ADD2: variants seen among roughly 807,000 people sequenced by gnomAD.
ADD2 encodes the protein beta-adducin.
Under a neutral mutation model 83.0 loss-of-function variants are expected in ADD2, and 23 were observed. That is an observed-to-expected ratio of 0.28 (90% CI 0.20 to 0.39). The LOEUF is 0.39. Among genes scored for constraint, ADD2 ranks in the 10% least tolerant of loss-of-function variants. The probability of loss-of-function intolerance (pLI) is 1.00; values close to 1 mark genes in which losing one functional copy is unlikely to be tolerated. For missense variants in ADD2, 758 were observed against 944.9 expected (o/e 0.80, Z 2.59); for synonymous variants, 375 against 375.4 (o/e 1.00, Z 0.01).
chr2:70,697,516 T>A, intron 4 of ADD2, among the ~76,000 whole-genome samples: 1 of 152,226 alleles, frequency 6.6e-6, no homozygotes, highest in South Asian at 2.1e-4. Context: ...AATCAGCATC[T>A]AGGAACTAAT....
At chr2:70,677,095 T>C (rs1399848121) in intron 12 of ADD2, among the ~76,000 whole-genome samples, 1 of 152,124 alleles carries the variant, frequency 6.6e-6, no homozygotes, top group Non-Finnish European at 1.5e-5. Context: ...CACCAGATTT[T>C]CATGAAACCA....
chr2:70,717,961 A>G (rs1301398326), intron 1 of ADD2, among the ~76,000 whole-genome samples: 2 of 152,316 alleles, frequency 1.3e-5, no homozygotes, highest in Non-Finnish European at 2.9e-5. Flanking sequence ...AAAGAGAGAA[A>G]GAGGCAGGAC....
chr2:70,735,052 T>C (rs1673458947), intron 1 of ADD2, among the ~76,000 whole-genome samples: 1 of 152,192 alleles, frequency 6.6e-6, no homozygotes, highest in African/African-American at 2.4e-5. Context: ...TGTTAAACTG[T>C]TATCTCGAAA....
chr2:70,756,041 A>G (rs1674762958), intron 1 of ADD2, among the ~76,000 whole-genome samples: 1 of 151,162 alleles, frequency 6.6e-6, no homozygotes, highest in African/African-American at 2.4e-5. Flanking sequence ...CCTGGGCAAC[A>G]AAAGTGAAAC....
At chr2:70,691,101 G>A (rs576591221) in intron 7 of ADD2, among the ~76,000 whole-genome samples, 172 bp from the exon 8 acceptor site, 1 of 152,300 alleles carries the variant, frequency 6.6e-6, no homozygotes, top group South Asian at 2.1e-4. Flanking sequence ...CCTGGCTTGG[G>A]CGTTGTGTCA....
intron 1 of ADD2, among the ~76,000 whole-genome samples, chr2:70,751,113 G>A (rs1553382874): frequency 6.6e-6 from 1 of 152,114 alleles, no homozygotes; most frequent in African/African-American, 2.4e-5. Context: ...GCCTCACCTT[G>A]GATCAGTGCC....
chr2:70,708,040 G>A (rs574434504), intron 2 of ADD2, among the ~76,000 whole-genome samples: 1 of 152,196 alleles, frequency 6.6e-6, no homozygotes, highest in Non-Finnish European at 1.5e-5. Flanking sequence ...GCATATTCTT[G>A]TTGTCCCTGA....
chr2:70,767,494 C>T (rs1299410376), intron 1 of ADD2: 7 of 386,338 alleles, frequency 1.8e-5, no homozygotes, highest in Non-Finnish European at 2.5e-5. Flanking sequence ...GGCGGCCGAG[C>T]GGGAAGGAAA....
In ADD2 at chr2:70,676,128, G is replaced by A; in HGVS notation, c.1593+668C>T. 14 of 985,444 alleles carry A rather than the reference G, an allele frequency of 1.4e-5. No individual in the cohort carries two copies. Among genetic ancestry groups the A allele is most frequent in the Non-Finnish European group, 1.7e-5 (14 of 829,954 alleles). The allele number at this position is 985,444 out of a possible 1,614,324, so 61.0% of individuals were successfully genotyped here. On this transcript the variant is annotated intron_variant, in intron 13 of 15. Transcript: ENST00000264436. The surrounding 1 kb of genome is among the most constrained non-coding windows in gnomAD (Gnocchi z 4.8). ...TATTTCCCCAATTTTTACTGCTAAG[G>A]AAAATGTCATGCCCATTGCTACCTT...
chr2:70,728,326 G>A (rs1176389710), intron 1 of ADD2, among the ~76,000 whole-genome samples: 3 of 152,150 alleles, frequency 2.0e-5, no homozygotes, highest in Non-Finnish European at 4.4e-5. Context: ...TGACAGAGTC[G>A]GGAAGGCCCT....
chr2:70,704,346 G>T lies in ADD2; in HGVS notation c.297C>A (p.His99Gln), dbSNP rs1430169904. ...QIADFMASTS[H>Q]AVFPTSSMNV... ...TCATGGAAGATGTCGGGAAGACTGCGTGGGAGGTGCTGGCCATGAAGTCCG... is the reference window on the plus strand; with the variant it reads ...TCATGGAAGATGTCGGGAAGACTGCTTGGGAGGTGCTGGCCATGAAGTCCG... The change falls in exon 4 of 16, where the codon CAC becomes CAA. Residue 99 changes from histidine (H) to glutamine (Q), a missense_variant. His to Gln is a conservative substitution (Grantham distance 24). Around this residue, in one of 5 missense-constraint regions of ADD2, gnomAD observed 175 missense variants for 192.1 expected, o/e 0.91. Transcript: ENST00000264436. The T allele has an allele frequency of 6.2e-7, 1 of 1,605,424 alleles. No individual in the cohort carries two copies. Among genetic ancestry groups the T allele is most frequent in the Non-Finnish European group, 8.5e-7 (1 of 1,175,450 alleles).
At position 70,676,398 on chromosome 2, in the gene ADD2, C is replaced by G. The variant is rs1670138834; in HGVS notation, c.1593+398G>C. 2.6e-6 allele frequency: 3 copies of G among 1,147,614 alleles called. No individual in the cohort carries two copies. Among genetic ancestry groups the G allele is most frequent in the South Asian group, 7.4e-5 (2 of 27,130 alleles). 71.1% of individuals were successfully genotyped at this position (1,147,614 alleles called of 1,614,324 possible). On this transcript the variant is annotated intron_variant, in intron 13 of 15. Transcript: ENST00000264436. The surrounding 1 kb of genome is among the most constrained non-coding windows in gnomAD (Gnocchi z 4.8). The stretch of plus-strand genomic sequence containing the variant: ...AGAGCTCTGGTTGGATGATGTCATA[C>G]CAGGCTCAGAGGTCAGAGACTCTCA...
intron 1 of ADD2, among the ~76,000 whole-genome samples, chr2:70,719,998 T>A (rs1190536446): frequency 6.6e-6 from 1 of 150,560 alleles, no homozygotes; most frequent in Non-Finnish European, 1.5e-5. Context: ...GTATGTATCC[T>A]TTTTTGTCTA....
intron 2 of ADD2, among the ~76,000 whole-genome samples, chr2:70,707,390 C>T (rs954012382): frequency 2.6e-5 from 4 of 152,256 alleles, no homozygotes; most frequent in Admixed American, 1.3e-4. Flanking sequence ...GCAAGGACCA[C>T]GACAGCCTCT....
At chr2:70,729,102 CAGCTGGCT>C (rs1412128564) in intron 1 of ADD2, among the ~76,000 whole-genome samples, 6 of 152,356 alleles carry the variant, frequency 3.9e-5, no homozygotes, top group African/African-American at 1.4e-4. Context: ...GCTCCCATGG[CAGCTGGCT>C]CCATGCTGGG....
chr2:70,704,367 G>A lies in ADD2; in HGVS notation c.276C>T (p.Asp92=), dbSNP rs1553374016. 1.9e-6 allele frequency: 3 copies of A among 1,601,164 alleles called. No individual in the cohort carries two copies. The highest frequency in any genetic ancestry group is 1.1e-5 in the South Asian group (1 of 90,832). Residue 92 remains aspartate, a synonymous_variant, in exon 4 of 16, where the codon GAC becomes GAT. Coordinates refer to ENST00000264436, the MANE Select transcript of ADD2 (RefSeq NM_001617.4). ...SNIWALRQIA[D]FMASTSHAVF... is the part of the protein sequence containing the mutation. Reference sequence around the variant, plus strand: ...CTGCGTGGGAGGTGCTGGCCATGAAGTCCGCGATCTGTCGCAGGGCCCAGA... The same window carrying A: ...CTGCGTGGGAGGTGCTGGCCATGAAATCCGCGATCTGTCGCAGGGCCCAGA...
chr2:70,768,054 C>T lies in ADD2; in HGVS notation c.-322G>A. ...CTCGTCAGAGCTGCTGGGAGATCCC[C>T]CAGCAGTGCAGCGGCTCCGCGGCGG... is the stretch of plus-strand genomic sequence containing the variant. On this transcript the variant is annotated 5_prime_UTR_variant, in exon 1 of 16. Coordinates refer to ENST00000264436, the MANE Select transcript of ADD2 (RefSeq NM_001617.4). The T allele has an allele frequency of 7.3e-7, 1 of 1,368,826 alleles. No individual in the cohort carries two copies. The highest frequency in any genetic ancestry group is 9.8e-7 in the Non-Finnish European group (1 of 1,022,590). The allele number at this position is 1,368,826 out of a possible 1,614,324, so 84.8% of individuals were successfully genotyped here.
chr2:70,741,053 G>C (rs1673871648), intron 1 of ADD2, among the ~76,000 whole-genome samples: 1 of 152,156 alleles, frequency 6.6e-6, no homozygotes, highest in African/African-American at 2.4e-5. Flanking sequence ...GTGAGTTCCT[G>C]CTCCTTTGTC....
intron 1 of ADD2, among the ~76,000 whole-genome samples, chr2:70,751,641 G>T (rs182056974): frequency 6.6e-6 from 1 of 152,172 alleles, no homozygotes; most frequent in East Asian, 1.9e-4. Flanking sequence ...ACAATAAACG[G>T]CATAAGAAAG....
Sources: allele counts gnomAD v4.1 joint callset (sites outside exome capture counted in the v4.1 genomes callset), GRCh38; gene constraint gnomAD v4.1.1; regional missense constraint gnomAD v4.1.1; non-coding constraint Gnocchi (gnomAD v3.1); transcripts MANE v1.5; gene names NCBI Gene and HGNC (gene_info 2026-07-23, HGNC 2026-07-21).